The following CHPF2 variants were observed in gnomAD, a reference collection of about 807,000 sequenced individuals.
CHPF2 encodes chondroitin polymerizing factor 2, also known as chondroitin polymerizing factor 2, non-catalytic subunit.
A neutral mutation model predicts 63.0 loss-of-function variants in CHPF2; 58 were observed. The observed-to-expected ratio is 0.92, with a 90% CI of 0.75 to 1.15. The LOEUF is 1.15. CHPF2 is among the 50% of genes most tolerant of loss of function. CHPF2 has a pLI of 0.00. For missense variants in CHPF2, 1,045 were observed against 1,035.4 expected (o/e 1.01, Z -0.13); for synonymous variants, 442 against 438.0 (o/e 1.01, Z -0.11).
At position 151,234,154 on chromosome 7, in the gene CHPF2, A is replaced by T. The variant is rs1802556957; in HGVS notation, c.143A>T (p.Glu48Val). ...GATCCCTGTGTCGAGGCTGTAGGGG[A>T]GCGAGGAGGGCCACAGAATCCAGAT... is the stretch of plus-strand genomic sequence containing the variant. ...GEDPCVEAVGERGGPQNPDSR... is the reference protein window; with the variant it reads ...GEDPCVEAVGVRGGPQNPDSR... Residue 48 changes from glutamate to valine, a missense_variant, in exon 1 of 4, where the codon GAG becomes GTG. By Grantham distance (121) the Glu-to-Val change is moderately radical. Transcript: ENST00000035307. 2 of 1,613,528 alleles carry T rather than the reference A, an allele frequency of 1.2e-6. No homozygotes were observed. Among genetic ancestry groups the T allele is most frequent in the Non-Finnish European group, 1.7e-6 (2 of 1,179,766 alleles).
At position 151,237,758 on chromosome 7, in the gene CHPF2, G is replaced by A. The variant is rs776144646; in HGVS notation, c.1396G>A (p.Val466Ile). ...GCACCGGCGGGCCCTGGCTCGCAGG[G>A]TCAGCCTGCTGCGGCCACTGAGCCG... ...RGHRRALARR[V>I]SLLRPLSRVE... Residue 466 changes from valine to isoleucine, a missense_variant, in exon 4 of 4, where the codon GTC becomes ATC. By Grantham distance (29) the Val-to-Ile change is conservative. Coordinates refer to ENST00000035307, the MANE Select transcript of CHPF2 (RefSeq NM_019015.3). 16 of 1,612,312 alleles carry A rather than the reference G, an allele frequency of 9.9e-6. No homozygotes were observed. The highest frequency in any genetic ancestry group is 1.4e-5 in the Non-Finnish European group (16 of 1,179,898).
In CHPF2 at chr7:151,233,438, C is replaced by T; in HGVS notation, c.-574C>T. 2 of 985,710 alleles carry T rather than the reference C, an allele frequency of 2.0e-6. No individual in the cohort carries two copies. The highest frequency in any genetic ancestry group is 2.4e-6 in the Non-Finnish European group (2 of 830,142). The allele number at this position is 985,710 out of a possible 1,614,324, so 61.1% of individuals were successfully genotyped here. On this transcript the variant is annotated 5_prime_UTR_variant, in exon 1 of 4. Coordinates refer to ENST00000035307, the MANE Select transcript of CHPF2 (RefSeq NM_019015.3). ...AGTAGAAAGAGGCTCTGGCCCCTTCCCTTGTGCCCACCGGGCCTGCCGCAG... is the reference window on the plus strand; with the variant it reads ...AGTAGAAAGAGGCTCTGGCCCCTTCTCTTGTGCCCACCGGGCCTGCCGCAG...
chr7:151,236,516 C>T lies in CHPF2; in HGVS notation c.937C>T (p.Leu313Phe). The T allele has an allele frequency of 6.2e-7, 1 of 1,610,592 alleles. No individual in the cohort carries two copies. Among genetic ancestry groups the T allele is most frequent in the South Asian group, 1.1e-5 (1 of 90,964 alleles). ...CGTGCACCCTGTCTCCGAAGGTACC[C>T]TCATGTACCGGCTCCACAAACGCTT... ...FAVHPVSEGT[L>F]MYRLHKRFSA... Residue 313 changes from leucine (L) to phenylalanine (F), a missense_variant, in exon 3 of 4, where the codon CTC becomes TTC. Physicochemically the swap from Leu to Phe is conservative, Grantham distance 22 (BLOSUM62 0). Coordinates refer to ENST00000035307, the MANE Select transcript of CHPF2 (RefSeq NM_019015.3).
chr7:151,237,571 G>A lies in CHPF2; in HGVS notation c.1209G>A (p.Val403=), dbSNP rs1584856418. 6.2e-7 allele frequency: 1 copy of A among 1,613,732 alleles called. No individual in the cohort carries two copies. The highest frequency in any genetic ancestry group is 1.3e-5 in the African/African-American group (1 of 74,960). ...TACAGGGGGCTAGCAGGGCGGACGTGGGTGATGCGTTGGAGACTGCCCTGG... is the reference window on the plus strand; with the variant it reads ...TACAGGGGGCTAGCAGGGCGGACGTAGGTGATGCGTTGGAGACTGCCCTGG... ...CPLQGASRAD[V]GDALETALEQ... The change falls in exon 4 of 4, where the codon GTG becomes GTA. Residue 403 remains valine, a synonymous_variant. Transcript: ENST00000035307.
rs1802543716 is a variant in CHPF2, at chr7:151,233,766, CCG to C, written c.-245_-244del. 2.5e-6 allele frequency: 3 copies of C among 1,218,336 alleles called. No homozygotes were observed. Among genetic ancestry groups the C allele is most frequent in the Admixed American group, 4.3e-5 (1 of 23,432 alleles). The allele number at this position is 1,218,336 out of a possible 1,614,324, so 75.5% of individuals were successfully genotyped here. On this transcript the variant is annotated 5_prime_UTR_variant, in exon 1 of 4. Coordinates refer to ENST00000035307, the MANE Select transcript of CHPF2 (RefSeq NM_019015.3). ...GTGAAATTGATTGTTTCATTTATTA[CCG>C]TTTTGGCTGGGGGTTAGTTCCGACA...
rs557682803 is a variant in CHPF2 at position 151,238,628 on chromosome 7, C to T, written c.2266C>T (p.Arg756Cys). Reference protein sequence around the residue: ...RLSNLEGLGGRAQLAMALFEQ... With the variant: ...RLSNLEGLGGCAQLAMALFEQ... ...CAGCAACCTGGAGGGGCTAGGGGGC[C>T]GTGCCCAGCTGGCTATGGCTCTCTT... The change falls in exon 4 of 4, where the codon CGT becomes TGT. Residue 756 changes from arginine to cysteine, a missense_variant. Coordinates refer to ENST00000035307, the MANE Select transcript of CHPF2 (RefSeq NM_019015.3). 134 of 1,611,570 alleles carry T rather than the reference C, an allele frequency of 8.3e-5. 1 individual carries two copies. In the East Asian group the frequency reaches 1.7e-3, roughly 21 times the overall value.
In CHPF2 at chr7:151,238,009, A is replaced by G; in HGVS notation, c.1647A>G (p.Ala549=). ...CATTTCTTGGGGTGAAGGCTGCAGC[A>G]GCGGAGTTAGAGCGACGGTACCCTG... ...PDPFLGVKAA[A]AELERRYPGT... is the part of the protein sequence containing the mutation. The change falls in exon 4 of 4, where the codon GCA becomes GCG. Residue 549 remains alanine (A), a synonymous_variant. Transcript: ENST00000035307. The G allele has an allele frequency of 1.2e-6, 2 of 1,613,110 alleles. No homozygotes were observed. Among genetic ancestry groups the G allele is most frequent in the Non-Finnish European group, 1.7e-6 (2 of 1,180,034 alleles).
In CHPF2 at chr7:151,238,763, A is replaced by G. The variant is rs1802793380; in HGVS notation, c.*82A>G. ...GGGCAAGGCAAGATGGTGGACAGAT[A>G]GAGAATTGTTGCTGTATTTTTTAAA... On this transcript the variant is annotated 3_prime_UTR_variant, in exon 4 of 4. Coordinates refer to ENST00000035307, the MANE Select transcript of CHPF2 (RefSeq NM_019015.3). The G allele has an allele frequency of 6.3e-7, 1 of 1,589,138 alleles. No individual in the cohort carries two copies. Among genetic ancestry groups the G allele is most frequent in the Non-Finnish European group, 8.5e-7 (1 of 1,170,864 alleles).
In CHPF2 at chr7:151,232,567, C is replaced by T; in HGVS notation, c.-1445C>T. ...CTCAGCGGGCACTGGGGTCTGTTCC[C>T]CCTTCCCCGTCCCTGCTCCCTGCCA... On this transcript the variant is annotated 5_prime_UTR_variant, in exon 1 of 4. Transcript: ENST00000035307. 2 of 549,294 alleles carry T rather than the reference C, an allele frequency of 3.6e-6. No individual in the cohort carries two copies. Among genetic ancestry groups the T allele is most frequent in the Non-Finnish European group, 3.1e-6 (1 of 321,338 alleles). The allele number at this position is 549,294 out of a possible 1,614,324, so 34.0% of individuals were successfully genotyped here. A position where few individuals can be genotyped will look rare whatever the true frequency, so the allele number is the denominator to read the frequency against.
Position 151,234,202 on chromosome 7 carries a change from G to T in CHPF2, c.191G>T (p.Ser64Ile). The part of the protein sequence containing the change: ...NPDSRARLDQ[S>I]DEDFKPRIVP... The stretch of plus-strand genomic sequence containing the variant: ...GATTCCAGAGCTCGGCTAGACCAAA[G>T]TGATGAAGACTTCAAACCCCGGATT... The change falls in exon 1 of 4, where the codon AGT becomes ATT. Residue 64 changes from serine (S) to isoleucine (I), a missense_variant. By Grantham distance (142) the Ser-to-Ile change is moderately radical. Transcript: ENST00000035307. 6.2e-7 allele frequency: 1 copy of T among 1,613,504 alleles called. No individual in the cohort carries two copies. The highest frequency in any genetic ancestry group is 8.5e-7 in the Non-Finnish European group (1 of 1,179,736).
rs1344331298 is a variant in CHPF2, at chr7:151,234,217, A to G, written c.206A>G (p.Lys69Arg). 1.9e-6 allele frequency: 3 copies of G among 1,612,556 alleles called. No individual in the cohort carries two copies. Among genetic ancestry groups the G allele is most frequent in the South Asian group, 2.2e-5 (2 of 90,942 alleles). Residue 69 changes from lysine (K) to arginine (R), a missense_variant, in exon 1 of 4, where the codon AAA becomes AGA. By Grantham distance (26) the Lys-to-Arg change is conservative. Coordinates refer to ENST00000035307, the MANE Select transcript of CHPF2 (RefSeq NM_019015.3). ...ARLDQSDEDF[K>R]PRIVPYYRDP... ...CTAGACCAAAGTGATGAAGACTTCA[A>G]ACCCCGGATTGTCCCCTACTACAGG...
In CHPF2 at chr7:151,233,490, G is replaced by A. The variant is rs536230396; in HGVS notation, c.-522G>A. ...GGCTCAGCAGCCCCTTCAGTAGCCC[G>A]CCTGAGGACCGATGCCAGAGGCAGG... is the stretch of plus-strand genomic sequence containing the variant. On this transcript the variant is annotated 5_prime_UTR_variant, in exon 1 of 4. Transcript: ENST00000035307. 47 of 985,796 alleles carry A rather than the reference G, an allele frequency of 4.8e-5. No homozygotes were observed. The African/African-American group carries it at 7.3e-4, about 15-fold the overall frequency. 61.1% of individuals were successfully genotyped at this position (985,796 alleles called of 1,614,324 possible).
In CHPF2 at chr7:151,237,565, G is replaced by A. The variant is rs763373753; in HGVS notation, c.1203G>A (p.Ala401=). The change falls in exon 4 of 4, where the codon GCG becomes GCA. Residue 401 remains alanine (A), a synonymous_variant. Coordinates refer to ENST00000035307, the MANE Select transcript of CHPF2 (RefSeq NM_019015.3). The stretch of plus-strand genomic sequence containing the variant: ...GCCCACTACAGGGGGCTAGCAGGGC[G>A]GACGTGGGTGATGCGTTGGAGACTG... ...PKCPLQGASR[A]DVGDALETAL... 2.4e-5 allele frequency: 39 copies of A among 1,613,750 alleles called. No individual in the cohort carries two copies. Among genetic ancestry groups the A allele is most frequent in the South Asian group, 7.7e-5 (7 of 91,096 alleles).
rs765482721 is a variant in CHPF2 at position 151,237,466 on chromosome 7, T to C, written c.1104T>C (p.Ser368=). ...VGLPAPFTPH[S]RFEVLGWDYF... ...TCCCTGCTCCTTTCACACCACACTC[T>C]CGCTTTGAGGTGCTGGGCTGGGACT... Residue 368 remains serine (S), a synonymous_variant, in exon 4 of 4, where the codon TCT becomes TCC. Transcript: ENST00000035307. 3 of 1,613,964 alleles carry C rather than the reference T, an allele frequency of 1.9e-6. No individual in the cohort carries two copies. Among genetic ancestry groups the C allele is most frequent in the Non-Finnish European group, 2.5e-6 (3 of 1,179,980 alleles).
chr7:151,232,636 GC>G lies in CHPF2; in HGVS notation c.-1371del, dbSNP rs1368043133. On this transcript the variant is annotated 5_prime_UTR_variant, in exon 1 of 4. Coordinates refer to ENST00000035307, the MANE Select transcript of CHPF2 (RefSeq NM_019015.3). ...CTCTTGGTCCCCACGCCTCCGCCCC[GC>G]CCCCTCCCGGGACGCCGGGAGACCC... 1.1e-6 allele frequency: 1 copy of G among 932,960 alleles called. No homozygotes were observed. The highest frequency in any genetic ancestry group is 1.5e-6 in the Non-Finnish European group (1 of 651,894). The allele number at this position is 932,960 out of a possible 1,614,324, so 57.8% of individuals were successfully genotyped here.
Position 151,235,357 on chromosome 7 carries a change from C to T in CHPF2, c.573C>T (p.Arg191=), listed in dbSNP as rs1310368342. The T allele has an allele frequency of 1.2e-6, 2 of 1,613,956 alleles. No homozygotes were observed. The highest frequency in any genetic ancestry group is 1.7e-6 in the Non-Finnish European group (2 of 1,180,044). Residue 191 remains arginine, a synonymous_variant, in exon 2 of 4, where the codon CGC becomes CGT. Transcript: ENST00000035307. ...MQDDTYVQAP[R]LAALAGHLSI... ...ATGACACATATGTGCAGGCCCCCCG[C>T]CTGGCAGCCCTTGCTGGCCACCTCA...
chr7:151,237,729 G>A lies in CHPF2; in HGVS notation c.1367G>A (p.Arg456His), dbSNP rs149808659. 6.8e-6 allele frequency: 11 copies of A among 1,612,816 alleles called. No homozygotes were observed. The highest frequency in any genetic ancestry group is 6.7e-5 in the African/African-American group (5 of 75,060). Residue 456 changes from arginine to histidine, a missense_variant, in exon 4 of 4, where the codon CGT (arginine) becomes CAT (histidine). Transcript: ENST00000035307. ...CTGCTGTTGGAATGTGTGACACAGC[G>A]TGGGCACCGGCGGGCCCTGGCTCGC... Reference protein sequence around the residue: ...LDLLLECVTQRGHRRALARRV... With the variant: ...LDLLLECVTQHGHRRALARRV...
At chr7:151,236,883 A>G (rs1681209787) in intron 3 of CHPF2, 4 of 569,168 alleles carry the variant, frequency 7.0e-6, no homozygotes, top group Admixed American at 2.2e-5. Flanking sequence ...GTTCAGACAG[A>G]ATAGTTTTAG....
chr7:151,236,824 C>T, intron 3 of CHPF2: 1 of 606,490 alleles, frequency 1.6e-6, no homozygotes, highest in Non-Finnish European at 3.0e-6. Context: ...TTGAATGCAG[C>T]TAAAGGGGTT....
Sources: gnomAD v4.1 joint callset for allele counts on GRCh38, gnomAD v4.1.1 for gene constraint, MANE v1.5 for transcripts, NCBI Gene and HGNC (gene_info 2026-07-23, HGNC 2026-07-21) for gene names.